MAGI1: variants seen among roughly 807,000 people sequenced by gnomAD.
MAGI1 encodes membrane-associated guanylate kinase, WW and PDZ domain-containing protein 1.
MAGI1 carries 58 observed loss-of-function variants against 139.9 expected under a neutral mutation model. The observed-to-expected ratio is 0.41, with a 90% CI of 0.34 to 0.52. MAGI1 has a LOEUF of 0.52. MAGI1 is among the 20% of genes least tolerant of loss of function. The pLI, the probability that MAGI1 is intolerant of heterozygous loss-of-function variation, is 0.12. For synonymous variants in MAGI1, 812 were observed against 737.9 expected, an observed-to-expected ratio of 1.10 and a Z score of -1.63; for missense variants, 1,874 against 1,901.6, an observed-to-expected ratio of 0.99 and a Z score of 0.27.
intron 1 of MAGI1, among the ~76,000 whole-genome samples, chr3:65,635,466 A>G (rs1469380181): frequency 6.6e-6 from 1 of 152,208 alleles, no homozygotes. Context: ...AACCTGCCAC[A>G]TCATAAAGTT....
At chr3:65,770,182 C>T (rs187329701) in intron 1 of MAGI1, among the ~76,000 whole-genome samples, 1 of 152,200 alleles carries the variant, frequency 6.6e-6, no homozygotes, top group South Asian at 2.1e-4. Flanking sequence ...GGAAATACAA[C>T]CAGTGTGTCA....
At chr3:65,383,382 C>T in intron 15 of MAGI1, 150 bp downstream of exon 15, 1 of 638,260 alleles carries the variant, frequency 1.6e-6, no homozygotes, top group African/African-American at 1.8e-5. Context: ...GAGAGCTCCA[C>T]AAAACCCAAT....
In MAGI1 at chr3:65,356,348, A is replaced by C. The variant is rs566838271; in HGVS notation, c.*30T>G. 6.6e-7 allele frequency: 1 copy of C among 1,521,316 alleles called. No individual in the cohort carries two copies. The highest frequency in any genetic ancestry group is 2.3e-5 in the East Asian group (1 of 43,304). The allele number at this position is 1,521,316 out of a possible 1,614,324, so 94.2% of individuals were successfully genotyped here. A position where few individuals can be genotyped will look rare whatever the true frequency, so the allele number is the denominator to read the frequency against. ...TGACTTTCCTCTTAGAACCTTTGAC[A>C]CGGTAAAGGTTGGAATGTGACTCAG... On this transcript the variant is annotated 3_prime_UTR_variant, in exon 23 of 23. Transcript: ENST00000402939.
chr3:65,839,372 C>T (rs1431760719), intron 1 of MAGI1, among the ~76,000 whole-genome samples: 2 of 151,842 alleles, frequency 1.3e-5, no homozygotes, highest in Non-Finnish European at 2.9e-5. Flanking sequence ...TTATATTATA[C>T]TTTATATCAT....
At chr3:66,002,191 A>G (rs4688630) in intron 1 of MAGI1, among the ~76,000 whole-genome samples, 82,142 of 152,058 alleles carry the variant, frequency 0.54, 22,786 homozygotes, top group East Asian at 0.71. Context: ...GGCATTTTAA[A>G]TTCGCATTTT....
At position 65,429,924 on chromosome 3, in the gene MAGI1, G is replaced by A; in HGVS notation, c.1763C>T (p.Thr588Ile). The change falls in exon 12 of 23, where the codon ACC (threonine) becomes ATC (isoleucine). Residue 588 changes from threonine to isoleucine, a missense_variant. Thr to Ile is a moderately conservative substitution (Grantham distance 89). Around this residue, in one of 5 missense-constraint regions of MAGI1, gnomAD observed 482 missense variants for 509.6 expected, o/e 0.95. Coordinates refer to ENST00000402939, the MANE Select transcript of MAGI1 (RefSeq NM_001033057.2). ...KEPIIVNGQETYDSPASHSSK... is the reference protein window; with the variant it reads ...KEPIIVNGQEIYDSPASHSSK... ...ACTGTGGCTAGCTGGTGAATCATAG[G>A]TCTCTTGCCCATTCACAATAATTGG... The A allele has an allele frequency of 6.2e-7, 1 of 1,613,990 alleles. No individual in the cohort carries two copies. The highest frequency in any genetic ancestry group is 1.3e-5 in the African/African-American group (1 of 75,034).
intron 1 of MAGI1, among the ~76,000 whole-genome samples, chr3:65,837,677 C>A (rs2058672932): frequency 6.6e-6 from 1 of 152,118 alleles, no homozygotes; most frequent in Admixed American, 6.5e-5. Context: ...CTCAAATTTG[C>A]CATTTTCTTT....
chr3:65,889,061 T>C (rs1215458738), intron 1 of MAGI1, among the ~76,000 whole-genome samples: 2 of 152,202 alleles, frequency 1.3e-5, no homozygotes, highest in South Asian at 4.1e-4. Flanking sequence ...ATCAGATTCA[T>C]AGCAGTTTTC....
At chr3:65,431,813 C>A (rs1419612102) in intron 10 of MAGI1, among the ~76,000 whole-genome samples, 1 of 151,508 alleles carries the variant, frequency 6.6e-6, no homozygotes, top group African/African-American at 2.4e-5. Flanking sequence ...TAGTGAAATC[C>A]TGTCTCTACT....
In MAGI1 at chr3:65,353,945, C is replaced by G. The variant is rs1375488372; in HGVS notation, c.*2433G>C. ...CAAAAAGTCCACGGATTGAGACAAGCCCAGGTGGGTAGCACATAGATTTTA... is the reference window on the plus strand; with the variant it reads ...CAAAAAGTCCACGGATTGAGACAAGGCCAGGTGGGTAGCACATAGATTTTA... On this transcript the variant is annotated 3_prime_UTR_variant, in exon 23 of 23. Coordinates refer to ENST00000402939, the MANE Select transcript of MAGI1 (RefSeq NM_001033057.2). The G allele has an allele frequency of 1.3e-5, 2 of 152,184 alleles. No homozygotes were observed. The highest frequency in any genetic ancestry group is 3.8e-4 in the East Asian group (2 of 5,196). The allele number at this position is 152,184 out of a possible 1,614,324, so 9.4% of individuals were successfully genotyped here.
chr3:65,354,614 C>T lies in MAGI1; in HGVS notation c.*1764G>A, dbSNP rs1940120125. On this transcript the variant is annotated 3_prime_UTR_variant, in exon 23 of 23. Coordinates refer to ENST00000402939, the MANE Select transcript of MAGI1 (RefSeq NM_001033057.2). ...CATGGAGGAAATGATGATATTCAAACCAACTAAAGCTTTAGAGAATTACTT... is the reference window on the plus strand; with the variant it reads ...CATGGAGGAAATGATGATATTCAAATCAACTAAAGCTTTAGAGAATTACTT... The T allele has an allele frequency of 6.6e-6, 1 of 152,572 alleles. No homozygotes were observed. 9.5% of individuals were successfully genotyped at this position (152,572 alleles called of 1,614,324 possible). A position where few individuals can be genotyped will look rare whatever the true frequency, so the allele number is the denominator to read the frequency against.
intron 4 of MAGI1, among the ~76,000 whole-genome samples, chr3:65,471,931 C>T (rs1256579270): frequency 6.6e-6 from 1 of 152,046 alleles, no homozygotes; most frequent in African/African-American, 2.4e-5. Flanking sequence ...AGAATTAAGT[C>T]CACACAGAGG....
chr3:65,731,723 T>G (rs1255306026), intron 1 of MAGI1, among the ~76,000 whole-genome samples: 2 of 151,904 alleles, frequency 1.3e-5, no homozygotes, highest in Admixed American at 6.6e-5. Context: ...TCAGGCATTT[T>G]TAGTGCTTTA....
In MAGI1 at chr3:65,415,322, A is replaced by G. The variant is rs555082488; in HGVS notation, c.2168-13852T>C. On this transcript the variant is annotated intron_variant, in intron 12 of 22. Transcript: ENST00000402939. ...CCTCTTTTCTCTTAAGCTCCATTCA[A>G]TATGACAGAGCAAGGGGCCAGAAAA... is the stretch of plus-strand genomic sequence containing the variant. Among the ~76,000 whole-genome samples the G allele has an allele frequency of 9.8e-5, 15 of 152,340 alleles. 2 individuals carry two copies. Among genetic ancestry groups the G allele is most frequent in the African/African-American group, 3.6e-4 (15 of 41,586 alleles).
chr3:65,964,254 T>C (rs965308439), intron 1 of MAGI1, among the ~76,000 whole-genome samples: 1 of 152,172 alleles, frequency 6.6e-6, no homozygotes, highest in Non-Finnish European at 1.5e-5. Flanking sequence ...TGTTAAGACT[T>C]GAGAGAAGCC....
intron 1 of MAGI1, chr3:65,925,303 T>G (rs1029309177): frequency 6.6e-6 from 1 of 151,950 alleles, no homozygotes; most frequent in Non-Finnish European, 1.5e-5. Flanking sequence ...GTGCAGGTAG[T>G]GTTTTTTTTT....
intron 1 of MAGI1, among the ~76,000 whole-genome samples, chr3:65,819,065 T>C (rs2041784467): frequency 6.6e-6 from 1 of 152,058 alleles, no homozygotes; most frequent in Admixed American, 6.5e-5. Flanking sequence ...GGAGGGCGGA[T>C]TACAAGGTCA....
At chr3:66,007,915 G>C (rs62243809) in intron 1 of MAGI1, among the ~76,000 whole-genome samples, 6 of 115,280 alleles carry the variant, frequency 5.2e-5, no homozygotes, top group African/African-American at 2.2e-4. Context: ...TTTTTTTTTG[G>C]ACATAGAGTC....
At chr3:65,951,001 AAGGAAGGAAGGAAG>A (rs2063818317) in intron 1 of MAGI1, among the ~76,000 whole-genome samples, 1 of 132,082 alleles carries the variant, frequency 7.6e-6, no homozygotes, top group Non-Finnish European at 1.7e-5. Flanking sequence ...GGAAGGAAGG[AAGGAAGGAAGGAAG>A]GAAGGAAGGA....
Sources: gnomAD v4.1 joint callset for allele counts (sites outside exome capture counted in the v4.1 genomes callset) on GRCh38, gnomAD v4.1.1 for gene constraint, gnomAD v4.1.1 regional missense constraint, MANE v1.5 for transcripts, NCBI Gene and HGNC (gene_info 2026-07-23, HGNC 2026-07-21) for gene names.